The following STK24 variants were observed in gnomAD, a reference collection of about 807,000 sequenced individuals.
STK24 encodes serine/threonine-protein kinase 24.
STK24 carries 21 observed loss-of-function variants against 55.6 expected under a neutral mutation model. The ratio of observed to expected loss-of-function variants is 0.38; its 90% CI spans 0.27 to 0.54. The LOEUF (loss-of-function observed/expected upper bound fraction) is 0.54. Ranked by LOEUF, STK24 falls within the 20% of genes least tolerant of loss-of-function variation. STK24 has a pLI of 0.79. For synonymous variants in STK24, 200 were observed against 215.2 expected, an observed-to-expected ratio of 0.93 and a Z score of 0.62; for missense variants, 383 against 538.4, an observed-to-expected ratio of 0.71 and a Z score of 2.86.
chr13:98,460,462 G>C (rs764943469), intron 8 of STK24, 22 bp from the exon 9 acceptor site: 32 of 1,602,384 alleles, frequency 2.0e-5, no homozygotes, highest in Non-Finnish European at 2.6e-5. Context: ...GGGAAAAAAA[G>C]GTCATCAGAA....
intron 2 of STK24, among the ~76,000 whole-genome samples, chr13:98,485,811 G>A (rs1165885234): frequency 3.3e-5 from 5 of 152,246 alleles, no homozygotes; most frequent in African/African-American, 1.2e-4. Flanking sequence ...CTGAAGGTCG[G>A]CCCGGGGGAC....
At chr13:98,469,107 C>CCGAACGCCTGCTTG (rs1056177193) in intron 5 of STK24, among the ~76,000 whole-genome samples, 4 of 152,356 alleles carry the variant, frequency 2.6e-5, no homozygotes, top group African/African-American at 7.2e-5. Context: ...AAGCAGGCGG[C>CCGAACGCCTGCTTG]CGAACGCCTG....
intron 2 of STK24, among the ~76,000 whole-genome samples, chr13:98,502,047 C>T (rs540179947): frequency 1.3e-5 from 2 of 152,268 alleles, no homozygotes; most frequent in African/African-American, 4.8e-5. Flanking sequence ...AAAACTAATC[C>T]AGGAAGCTAT....
At chr13:98,473,151 C>T (rs2095564606) in intron 5 of STK24, among the ~76,000 whole-genome samples, 2 of 148,806 alleles carry the variant, frequency 1.3e-5, no homozygotes, top group Admixed American at 6.7e-5. Context: ...TTCTTGTCTA[C>T]TCCAGTATTA....
chr13:98,534,554 C>G (rs1187934082), intron 1 of STK24, among the ~76,000 whole-genome samples: 1 of 152,120 alleles, frequency 6.6e-6, no homozygotes, highest in Admixed American at 6.5e-5. Flanking sequence ...TCACGCAGGC[C>G]GGAGGCTACA....
intron 1 of STK24, among the ~76,000 whole-genome samples, chr13:98,550,187 A>G (rs980037992): frequency 1.3e-5 from 2 of 152,252 alleles, no homozygotes; most frequent in African/African-American, 4.8e-5. Flanking sequence ...TTAGTCATTT[A>G]CAACTGAGGG....
chr13:98,576,064 C>G, intron 1 of STK24: 4 of 984,988 alleles, frequency 4.1e-6, no homozygotes, highest in Non-Finnish European at 4.8e-6. Flanking sequence ...AGTCCAGGGT[C>G]CCGGGGCCGG....
At chr13:98,466,606 T>G in intron 5 of STK24, 45 bp from the exon 6 acceptor site, 1 of 1,597,256 alleles carries the variant, frequency 6.3e-7, no homozygotes, top group Non-Finnish European at 8.5e-7. Context: ...CAGGAATCTA[T>G]TCCAATACAC....
chr13:98,525,852 T>C (rs1319175812), intron 1 of STK24, among the ~76,000 whole-genome samples: 2 of 152,314 alleles, frequency 1.3e-5, no homozygotes, highest in Non-Finnish European at 2.9e-5. Context: ...GTCTGACACA[T>C]CCCATGCAGG....
chr13:98,453,137 A>G lies in STK24; in HGVS notation c.*36T>C, dbSNP rs748100065. On this transcript the variant is annotated 3_prime_UTR_variant, in exon 11 of 11. Coordinates refer to ENST00000539966, the MANE Select transcript of STK24 (RefSeq NM_001032296.4). ...AAAAAGGAGGAGGATGAAGAAGGAA[A>G]AAAGGAAAAACAAAACCCCAAATGC... 2.4e-5 allele frequency: 39 copies of G among 1,612,488 alleles called. No individual in the cohort carries two copies. Among genetic ancestry groups the G allele is most frequent in the South Asian group, 6.6e-5 (6 of 90,950 alleles).
rs1398420788 is a variant in STK24 at position 98,552,348 on chromosome 13, G to A, written c.42+24397C>T. On this transcript the variant is annotated intron_variant, in intron 1 of 10. Coordinates refer to ENST00000539966, the MANE Select transcript of STK24 (RefSeq NM_001032296.4). Reference sequence around the variant, plus strand: ...GGTACCAAATTGATCAGAAACATGGGAGAAGGTGTGGTCAGCAAGGTGGGG... The same window carrying A: ...GGTACCAAATTGATCAGAAACATGGAAGAAGGTGTGGTCAGCAAGGTGGGG... 5.3e-5 allele frequency among the ~76,000 whole-genome samples: 8 copies of A among 152,158 alleles called. No individual in the cohort carries two copies. In the East Asian group the frequency reaches 1.5e-3, roughly 29 times the overall value.
chr13:98,575,949 C>T, intron 1 of STK24: 1 of 779,628 alleles, frequency 1.3e-6, no homozygotes, highest in Non-Finnish European at 1.6e-6. Flanking sequence ...CAACTCCTCT[C>T]CCACTCCCCA....
At chr13:98,526,151 C>A (rs1468667429) in intron 1 of STK24, among the ~76,000 whole-genome samples, 1 of 152,128 alleles carries the variant, frequency 6.6e-6, no homozygotes, top group African/African-American at 2.4e-5. Context: ...TTTGCTTTTT[C>A]TGGTTTTTAA....
At chr13:98,460,733 G>C (rs1394804366) in intron 8 of STK24, among the ~76,000 whole-genome samples, 1 of 152,152 alleles carries the variant, frequency 6.6e-6, no homozygotes, top group Non-Finnish European at 1.5e-5. Flanking sequence ...GCCTCGTCTT[G>C]CTATCTACGC....
chr13:98,478,169 T>G (rs4411372), intron 3 of STK24, among the ~76,000 whole-genome samples: 1 of 152,058 alleles, frequency 6.6e-6, no homozygotes, highest in African/African-American at 2.4e-5. Context: ...TGTTCGCCAT[T>G]GCGACCATGC....
At chr13:98,551,857 T>C (rs998955266) in intron 1 of STK24, among the ~76,000 whole-genome samples, 12 of 152,160 alleles carry the variant, frequency 7.9e-5, no homozygotes, top group African/African-American at 2.9e-4. Flanking sequence ...TCAATAAATC[T>C]TTGTTGAGAA....
intron 2 of STK24, among the ~76,000 whole-genome samples, chr13:98,486,634 C>T (rs558625307): frequency 1.3e-5 from 2 of 152,308 alleles, no homozygotes; most frequent in South Asian, 2.1e-4. Context: ...CGGTGACACA[C>T]CCCAGGTTCT....
In STK24 at chr13:98,446,813, G is replaced by C. The variant is rs369179780; in HGVS notation, c.*6360C>G. 1 of 1,614,030 alleles carries C rather than the reference G, an allele frequency of 6.2e-7. No homozygotes were observed. Among genetic ancestry groups the C allele is most frequent in the South Asian group, 1.1e-5 (1 of 91,058 alleles). On this transcript the variant is annotated 3_prime_UTR_variant, in exon 11 of 11. Transcript: ENST00000539966. The stretch of plus-strand genomic sequence containing the variant: ...CAGGGCGGAAAGCGAGTACACGTTC[G>C]AAAGGTAGACACCCCCTTCCCACGC...
At chr13:98,471,613 A>G (rs1894148514) in intron 5 of STK24, among the ~76,000 whole-genome samples, 2 of 152,220 alleles carry the variant, frequency 1.3e-5, no homozygotes, top group African/African-American at 2.4e-5. Flanking sequence ...TAAGACTGAC[A>G]TAAGATTCTC....
Sources: allele counts gnomAD v4.1 joint callset (sites outside exome capture counted in the v4.1 genomes callset), GRCh38; gene constraint gnomAD v4.1.1; transcripts MANE v1.5; gene names NCBI Gene and HGNC (gene_info 2026-07-23, HGNC 2026-07-21).